The following CCSER1 variants were observed in gnomAD, a reference collection of about 807,000 sequenced individuals.
The protein encoded by CCSER1 is coiled-coil serine rich protein 1.
In CCSER1, 41 loss-of-function variants were observed where a neutral mutation model predicts 82.0. That is an observed-to-expected ratio of 0.50 (90% CI 0.39 to 0.65). The LOEUF (loss-of-function observed/expected upper bound fraction) is 0.65. Among genes scored for constraint, CCSER1 ranks in the 30% least tolerant of loss-of-function variants. The pLI is 0.00. For missense variants in CCSER1, 1,119 were observed against 1,064.2 expected (o/e 1.05, Z -0.72); for synonymous variants, 414 against 383.9 (o/e 1.08, Z -0.92).
intron 7 of CCSER1, among the ~76,000 whole-genome samples, chr4:90,786,822 A>G (rs1029945909): frequency 1.3e-5 from 2 of 152,184 alleles, no homozygotes; most frequent in Non-Finnish European, 2.9e-5. Flanking sequence ...GTCAGATCCA[A>G]TAGATTGGGG....
At chr4:91,307,529 C>A (rs1745155821) in intron 10 of CCSER1, among the ~76,000 whole-genome samples, 1 of 151,920 alleles carries the variant, frequency 6.6e-6, no homozygotes, top group African/African-American at 2.4e-5. Flanking sequence ...ACTTGGTATA[C>A]TTATACCATG....
At chr4:91,313,944 G>T (rs1030410212) in intron 10 of CCSER1, among the ~76,000 whole-genome samples, 1 of 151,928 alleles carries the variant, frequency 6.6e-6, no homozygotes, top group Admixed American at 6.6e-5. Flanking sequence ...AGTAACAGAT[G>T]ATTGATATAT....
chr4:90,497,067 T>TTTA (rs1769152445), intron 5 of CCSER1, among the ~76,000 whole-genome samples: 1 of 151,868 alleles, frequency 6.6e-6, no homozygotes, highest in Non-Finnish European at 1.5e-5. Context: ...TAAATCATTA[T>TTTA]TTATTTGTTA....
intron 4 of CCSER1, among the ~76,000 whole-genome samples, chr4:90,443,063 T>G (rs1760134519): frequency 6.6e-6 from 1 of 152,180 alleles, no homozygotes; most frequent in Non-Finnish European, 1.5e-5. Context: ...TGATAATGTT[T>G]AACTTAATTA....
chr4:91,292,950 G>A (rs887472002), intron 10 of CCSER1, among the ~76,000 whole-genome samples: 2 of 151,834 alleles, frequency 1.3e-5, no homozygotes, highest in African/African-American at 4.8e-5. Context: ...TATAAGGCTG[G>A]GACCTGGGAC....
chr4:90,232,160 G>A (rs190837509), intron 1 of CCSER1, among the ~76,000 whole-genome samples: 79 of 152,136 alleles, frequency 5.2e-4, no homozygotes, highest in African/African-American at 1.7e-3. Flanking sequence ...AGCCCACATC[G>A]CCAAGTCAAT....
chr4:91,225,034 A>G (rs1738035520), intron 10 of CCSER1, among the ~76,000 whole-genome samples: 1 of 150,382 alleles, frequency 6.6e-6, no homozygotes, highest in Non-Finnish European at 1.5e-5. Flanking sequence ...TTAAACATAT[A>G]TAAAATTTCA....
At chr4:91,591,877 A>AT (rs561112014) in intron 10 of CCSER1, among the ~76,000 whole-genome samples, 19 of 151,886 alleles carry the variant, frequency 1.3e-4, no homozygotes, top group Admixed American at 8.5e-4. Context: ...ACTGAAATTG[A>AT]TTTTTTTTCA....
At chr4:90,513,616 C>G (rs983970909) in intron 5 of CCSER1, among the ~76,000 whole-genome samples, 3 of 152,142 alleles carry the variant, frequency 2.0e-5, no homozygotes, top group African/African-American at 7.2e-5. Context: ...TTCAGAGAAG[C>G]TGCACAATGG....
intron 10 of CCSER1, among the ~76,000 whole-genome samples, chr4:91,336,984 A>G (rs935599486): frequency 2.0e-5 from 3 of 152,154 alleles, no homozygotes; most frequent in Admixed American, 2.0e-4. Context: ...ATACAAATGC[A>G]TATAGAATAA....
chr4:90,810,679 A>AACC (rs1340540181), intron 7 of CCSER1, among the ~76,000 whole-genome samples: 34 of 150,770 alleles, frequency 2.3e-4, no homozygotes, highest in African/African-American at 8.3e-4. Flanking sequence ...CAACAACAAC[A>AACC]ACCAAAACTA....
At chr4:91,365,861 G>A (rs940648617) in intron 10 of CCSER1, among the ~76,000 whole-genome samples, 1 of 152,112 alleles carries the variant, frequency 6.6e-6, no homozygotes, top group Admixed American at 6.5e-5. Context: ...TATCCAGTGT[G>A]GAGCGCAGTG....
chr4:91,076,348 T>A (rs1721998974), intron 9 of CCSER1, among the ~76,000 whole-genome samples: 1 of 151,528 alleles, frequency 6.6e-6, no homozygotes, highest in Non-Finnish European at 1.5e-5. Context: ...TTTTTTCCAC[T>A]AAATGCTTAT....
Position 91,312,175 on chromosome 4 carries a change from ATAG to A in CCSER1, c.2217+226184_2217+226186del, listed in dbSNP as rs1745528562. On this transcript the variant is annotated intron_variant, in intron 10 of 10. Transcript: ENST00000509176. The stretch of plus-strand genomic sequence containing the variant: ...CAGTAAGTCATCTCTAAACATAATA[ATAG>A]TAATATAGGGCTAATCATTTAGTAT... Among the ~76,000 whole-genome samples the A allele has an allele frequency of 4.6e-5, 7 of 151,904 alleles. No homozygotes were observed. In the South Asian group the frequency reaches 1.5e-3, roughly 32 times the overall value.
chr4:90,979,445 G>T, intron 9 of CCSER1, among the ~76,000 whole-genome samples: 2 of 151,634 alleles, frequency 1.3e-5, no homozygotes, highest in Non-Finnish European at 2.9e-5. Context: ...TTTCTGGATA[G>T]ATGTTATGAA....
chr4:90,372,204 T>C (rs553641069), intron 3 of CCSER1, among the ~76,000 whole-genome samples: 1 of 152,242 alleles, frequency 6.6e-6, no homozygotes, highest in South Asian at 2.1e-4. Context: ...AATAAAAACA[T>C]AACACTCTGT....
At chr4:90,552,974 C>CTT (rs1371523763) in intron 5 of CCSER1, among the ~76,000 whole-genome samples, 2 of 140,840 alleles carry the variant, frequency 1.4e-5, no homozygotes, top group Non-Finnish European at 3.0e-5. Flanking sequence ...CTAAATTAAC[C>CTT]ATTTTTTTTT....
At chr4:90,599,638 G>A (rs1392791536) in intron 5 of CCSER1, among the ~76,000 whole-genome samples, 3 of 152,120 alleles carry the variant, frequency 2.0e-5, no homozygotes, top group African/African-American at 4.8e-5. Context: ...CAGAGGCAAT[G>A]TGTTTTCTTC....
chr4:91,086,079 A>G (rs1240494487), intron 10 of CCSER1, 85 bp downstream of exon 10: 16 of 800,822 alleles, frequency 2.0e-5, no homozygotes, highest in South Asian at 3.2e-5. Flanking sequence ...GATTGACGAT[A>G]ATTACGTTGA....
Sources: gnomAD v4.1 joint callset for allele counts (sites outside exome capture counted in the v4.1 genomes callset) on GRCh38, gnomAD v4.1.1 for gene constraint, MANE v1.5 for transcripts, NCBI Gene and HGNC (gene_info 2026-07-23, HGNC 2026-07-21) for gene names.